The following CACNA1H variants were observed in gnomAD, a reference collection of about 807,000 sequenced individuals.
CACNA1H encodes voltage-dependent T-type calcium channel subunit alpha-1H.
In CACNA1H, 149 loss-of-function variants were observed where a neutral mutation model predicts 192.5. The observed-to-expected ratio is 0.77, with a 90% CI of 0.68 to 0.89. CACNA1H has a LOEUF of 0.89. CACNA1H is among the 40% of genes least tolerant of loss of function. The probability of loss-of-function intolerance (pLI) is 0.00; values close to 1 mark genes in which losing one functional copy is unlikely to be tolerated. For synonymous variants in CACNA1H, 2,202 were observed against 1,475.2 expected (o/e 1.49, Z -11.29); for missense variants, 4,257 against 3,423.5 (o/e 1.24, Z -6.08).
intron 5 of CACNA1H, 97 bp from the exon 6 acceptor site, chr16:1,198,518 A>G: frequency 7.4e-7 from 1 of 1,354,092 alleles, no homozygotes; most frequent in South Asian, 1.2e-5. Flanking sequence ...ACCCACTGTG[A>G]ACAGTGGACG....
Position 1,199,693 on chromosome 16 carries a change from C to G in CACNA1H, c.804-563C>G, listed in dbSNP as rs371300798. Among the ~76,000 whole-genome samples the G allele has an allele frequency of 1.2e-4, 18 of 150,488 alleles. No individual in the cohort carries two copies. In the East Asian group the frequency reaches 3.2e-3, roughly 27 times the overall value. On this transcript the variant is annotated intron_variant, in intron 6 of 34. Coordinates refer to ENST00000348261, the MANE Select transcript of CACNA1H (RefSeq NM_021098.3). ...CTCACCCCGGGTTCTCCCCTCAATT[C>G]TCACCCCCGAGTCTCCCCTCAGCCT...
rs780111233 is a variant in CACNA1H, at chr16:1,216,919, C to T, written c.5245-13C>T. The T allele has an allele frequency of 3.8e-6, 6 of 1,596,196 alleles. No individual in the cohort carries two copies. The highest frequency in any genetic ancestry group is 2.3e-5 in the East Asian group (1 of 44,308). The stretch of plus-strand genomic sequence containing the variant: ...CCGCCCGTCTGACCCAGCTCTGCTT[C>T]TCTCTTGTGTAGGTGGGGAACCTGG... On this transcript the variant is annotated splice_polypyrimidine_tract_variant and intron_variant, in intron 30 of 34. Coordinates refer to ENST00000348261, the MANE Select transcript of CACNA1H (RefSeq NM_021098.3).
rs72775436 is a variant in CACNA1H at position 1,192,126 on chromosome 16, A to C, written c.300-2846A>C. Among the ~76,000 whole-genome samples, 498 of 152,284 alleles carry C rather than the reference A, an allele frequency of 3.3e-3. 2 individuals are homozygous for C. Among genetic ancestry groups the C allele is most frequent in the Non-Finnish European group, 5.0e-3 (343 of 68,014 alleles). ...TCACTGGAGCCACACCCCTGCTTGG[A>C]AAAGACAGCACCCCATCCCCCACTA... On this transcript the variant is annotated intron_variant, in intron 2 of 34. Coordinates refer to ENST00000348261, the MANE Select transcript of CACNA1H (RefSeq NM_021098.3).
At chr16:1,161,894 G>T (rs935644867) in intron 2 of CACNA1H, among the ~76,000 whole-genome samples, 2 of 152,150 alleles carry the variant, frequency 1.3e-5, no homozygotes, top group Non-Finnish European at 2.9e-5. Flanking sequence ...CTGGTCGGAC[G>T]CGTTAATGGA....
Position 1,207,409 on chromosome 16 carries a change from C to G in CACNA1H, c.3042C>G (p.Leu1014=), listed in dbSNP as rs372665410. Residue 1014 remains leucine (L), a synonymous_variant, in exon 14 of 35, where the codon CTC becomes CTG. Coordinates refer to ENST00000348261, the MANE Select transcript of CACNA1H (RefSeq NM_021098.3). ...TCTTCAACCTGCTGGTGGCCATCCT[C>G]GTGGAGGGCTTCCAGGCGGAGGTGA... is the stretch of plus-strand genomic sequence containing the variant. The part of the protein sequence containing the change: ...YVLFNLLVAI[L]VEGFQAEGDA... 1 of 1,613,064 alleles carries G rather than the reference C, an allele frequency of 6.2e-7. No individual in the cohort carries two copies. The highest frequency in any genetic ancestry group is 1.1e-5 in the South Asian group (1 of 91,060).
chr16:1,202,444 G>C lies in CACNA1H; in HGVS notation c.1994G>C (p.Gly665Ala). The C allele has an allele frequency of 6.7e-7, 1 of 1,492,594 alleles. No homozygotes were observed. Among genetic ancestry groups the C allele is most frequent in the Non-Finnish European group, 9.0e-7 (1 of 1,116,742 alleles). 92.5% of individuals were successfully genotyped at this position (1,492,594 alleles called of 1,614,324 possible). A position where few individuals can be genotyped will look rare whatever the true frequency, so the allele number is the denominator to read the frequency against. ...DPYEKIPHVV[G>A]EHGLGQAPGH... Reference sequence around the variant, plus strand: ...TACGAGAAGATCCCGCATGTGGTCGGGGAGCATGGTGAGGACCCAGCCCCA... The same window carrying C: ...TACGAGAAGATCCCGCATGTGGTCGCGGAGCATGGTGAGGACCCAGCCCCA... The change falls in exon 9 of 35, where the codon GGG (glycine) becomes GCG (alanine). Residue 665 changes from glycine to alanine, a missense_variant. By Grantham distance (60) the Gly-to-Ala change is moderately conservative. Coordinates refer to ENST00000348261, the MANE Select transcript of CACNA1H (RefSeq NM_021098.3).
chr16:1,206,384 T>A, intron 12 of CACNA1H, 95 bp downstream of exon 12: 1 of 1,186,320 alleles, frequency 8.4e-7, no homozygotes, highest in Non-Finnish European at 1.2e-6. Flanking sequence ...GAAGGAGCCC[T>A]CCCACCAGCA....
chr16:1,198,978 A>G (rs1967358071), intron 6 of CACNA1H: 2 of 460,138 alleles, frequency 4.3e-6, no homozygotes, highest in Admixed American at 4.5e-5. Flanking sequence ...GCTGGCAGTC[A>G]CCGCCCCACA....
intron 2 of CACNA1H, among the ~76,000 whole-genome samples, chr16:1,176,315 C>T (rs1257063226): frequency 6.6e-6 from 1 of 152,238 alleles, no homozygotes; most frequent in Non-Finnish European, 1.5e-5. Flanking sequence ...GGCGCAGCAG[C>T]AATGTCTCGG....
At chr16:1,166,964 A>G (rs1455835310) in intron 2 of CACNA1H, among the ~76,000 whole-genome samples, 1 of 152,146 alleles carries the variant, frequency 6.6e-6, no homozygotes, top group African/African-American at 2.4e-5. Flanking sequence ...GGTCAGGCGG[A>G]AACAGTGTTG....
Position 1,182,437 on chromosome 16 carries a change from C to T in CACNA1H, c.300-12535C>T, listed in dbSNP as rs376253712. ...TGGGTGTGGGCTCCCCGCACCCCTG[C>T]GCTGGGGGCGGTGCTCTCCCACGGG... On this transcript the variant is annotated intron_variant, in intron 2 of 34. Coordinates refer to ENST00000348261, the MANE Select transcript of CACNA1H (RefSeq NM_021098.3). 3.2e-3 allele frequency among the ~76,000 whole-genome samples: 494 copies of T among 152,246 alleles called. 5 individuals are homozygous for T. Among genetic ancestry groups the T allele is most frequent in the South Asian group, 0.023 (110 of 4,826 alleles).
At chr16:1,188,285 C>G (rs939724724) in intron 2 of CACNA1H, among the ~76,000 whole-genome samples, 2 of 152,162 alleles carry the variant, frequency 1.3e-5, no homozygotes, top group Non-Finnish European at 2.9e-5. Context: ...CCAGGACCAC[C>G]CTTTGGGCCA....
At chr16:1,193,247 C>A (rs1966773697) in intron 2 of CACNA1H, among the ~76,000 whole-genome samples, 1 of 152,254 alleles carries the variant, frequency 6.6e-6, no homozygotes, top group African/African-American at 2.4e-5. Flanking sequence ...GCCACCCCCG[C>A]AGAAAGGTGC....
intron 2 of CACNA1H, among the ~76,000 whole-genome samples, chr16:1,169,359 C>T (rs1448337020): frequency 6.6e-6 from 1 of 152,212 alleles, no homozygotes; most frequent in Non-Finnish European, 1.5e-5. Flanking sequence ...CCGACCTGCC[C>T]TCCCACCCTC....
chr16:1,202,988 C>T (rs904080429), intron 9 of CACNA1H, among the ~76,000 whole-genome samples: 1 of 150,532 alleles, frequency 6.6e-6, no homozygotes, highest in Admixed American at 6.6e-5. Flanking sequence ...ATGGGAGACT[C>T]CAGGGCCCCC....
intron 2 of CACNA1H, among the ~76,000 whole-genome samples, chr16:1,174,350 G>A (rs1408839614): frequency 6.6e-6 from 1 of 152,198 alleles, no homozygotes; most frequent in Admixed American, 6.5e-5. Context: ...AGGATATGGA[G>A]GTAACTAATG....
intron 2 of CACNA1H, among the ~76,000 whole-genome samples, chr16:1,163,993 C>T (rs999041617): frequency 6.6e-6 from 1 of 152,194 alleles, no homozygotes; most frequent in Non-Finnish European, 1.5e-5. Context: ...CCGCCCCTGC[C>T]CCAGCCGAGG....
chr16:1,171,155 G>A (rs529001302), intron 2 of CACNA1H, among the ~76,000 whole-genome samples: 1 of 152,118 alleles, frequency 6.6e-6, no homozygotes, highest in African/African-American at 2.4e-5. Context: ...CCCCTGGGGT[G>A]CTCTCTGGGG....
intron 2 of CACNA1H, among the ~76,000 whole-genome samples, chr16:1,163,923 T>A (rs1253713012): frequency 6.6e-6 from 1 of 152,154 alleles, no homozygotes; most frequent in East Asian, 1.9e-4. Context: ...CCCTCCCGCT[T>A]GTGACTCAGC....
Sources: allele counts gnomAD v4.1 joint callset (sites outside exome capture counted in the v4.1 genomes callset), GRCh38; gene constraint gnomAD v4.1.1; transcripts MANE v1.5; gene names NCBI Gene and HGNC (gene_info 2026-07-23, HGNC 2026-07-21).